UBAP1: variants seen among roughly 807,000 people sequenced by gnomAD.
The protein encoded by UBAP1 is ubiquitin-associated protein 1.
Under a neutral mutation model 39.0 loss-of-function variants are expected in UBAP1, and 5 were observed. That is an observed-to-expected ratio of 0.13 (90% CI 0.07 to 0.27). The LOEUF (loss-of-function observed/expected upper bound fraction) is 0.27, where lower values mean the gene tolerates loss of function less well. UBAP1 is among the 10% of genes least tolerant of loss of function. The probability of loss-of-function intolerance (pLI) is 1.00; values close to 1 mark genes in which losing one functional copy is unlikely to be tolerated. For synonymous variants in UBAP1, 211 were observed against 225.1 expected (o/e 0.94, Z 0.56); for missense variants, 490 against 608.1 (o/e 0.81, Z 2.04).
chr9:34,180,847 G>C (rs2131475817), intron 1 of UBAP1, among the ~76,000 whole-genome samples: 1 of 148,264 alleles, frequency 6.7e-6, no homozygotes, highest in Middle Eastern at 3.4e-3. Flanking sequence ...GTCTCGGTCT[G>C]TTGCCCAGGC....
chr9:34,202,440 G>A (rs927081769), intron 1 of UBAP1, among the ~76,000 whole-genome samples: 10 of 151,968 alleles, frequency 6.6e-5, no homozygotes, highest in African/African-American at 2.4e-4. Context: ...CCTGTGAGAG[G>A]GGCTTAAGAC....
chr9:34,239,881 A>T (rs1468841279), intron 3 of UBAP1, among the ~76,000 whole-genome samples: 1 of 152,142 alleles, frequency 6.6e-6, no homozygotes, highest in Non-Finnish European at 1.5e-5. Context: ...TATTTCTGCC[A>T]TCCTCAGCCC....
intron 1 of UBAP1, among the ~76,000 whole-genome samples, chr9:34,214,084 G>T (rs895379534): frequency 6.6e-5 from 10 of 152,240 alleles, no homozygotes; most frequent in African/African-American, 2.4e-4. Context: ...TTGTGAAAAT[G>T]ACCATACTGC....
intron 1 of UBAP1, among the ~76,000 whole-genome samples, chr9:34,212,998 C>T (rs1192392169): frequency 2.0e-5 from 3 of 152,228 alleles, no homozygotes; most frequent in Admixed American, 2.0e-4. Context: ...AAAGATAATC[C>T]ACCATGATCA....
At chr9:34,203,871 T>C (rs1831535702) in intron 1 of UBAP1, among the ~76,000 whole-genome samples, 1 of 152,224 alleles carries the variant, frequency 6.6e-6, no homozygotes, top group Non-Finnish European at 1.5e-5. Context: ...GGCTGTATTA[T>C]TTCTGTGGGA....
chr9:34,182,677 T>TCTTTCTCTCTC (rs1563881334), intron 1 of UBAP1, among the ~76,000 whole-genome samples: 2 of 71,928 alleles, frequency 2.8e-5, no homozygotes, highest in South Asian at 1.1e-3. Flanking sequence ...CTTTCTTTCT[T>TCTTTCTCTCTC]TCTTTCTCTC....
intron 2 of UBAP1, among the ~76,000 whole-genome samples, chr9:34,233,988 GC>G (rs1184204929): frequency 3.9e-5 from 6 of 152,128 alleles, no homozygotes; most frequent in Non-Finnish European, 8.8e-5. Flanking sequence ...GAGTACTTTG[GC>G]TTTTACACTA....
chr9:34,246,845 T>G (rs571981148), intron 4 of UBAP1, among the ~76,000 whole-genome samples: 1 of 152,346 alleles, frequency 6.6e-6, no homozygotes, highest in East Asian at 1.9e-4. Flanking sequence ...CAAACGTACT[T>G]TCCCTCAAAC....
At chr9:34,246,276 G>C (rs1179714327) in intron 4 of UBAP1, among the ~76,000 whole-genome samples, 1 of 152,112 alleles carries the variant, frequency 6.6e-6, no homozygotes, top group Non-Finnish European at 1.5e-5. Flanking sequence ...ATGTTGTCCA[G>C]GCTGGTCTCA....
intron 1 of UBAP1, among the ~76,000 whole-genome samples, chr9:34,188,423 C>CTTT (rs34942688): frequency 4.3e-5 from 5 of 117,202 alleles, no homozygotes; most frequent in African/African-American, 9.7e-5. Flanking sequence ...TAGTCTTCAG[C>CTTT]TTTTTTTTTT....
intron 1 of UBAP1, among the ~76,000 whole-genome samples, chr9:34,183,341 A>G (rs952435151): frequency 1.3e-4 from 19 of 151,384 alleles, no homozygotes; most frequent in Admixed American, 4.6e-4. Flanking sequence ...CAGGAGATTG[A>G]GACCATCCTG....
At chr9:34,205,179 G>T (rs936367202) in intron 1 of UBAP1, among the ~76,000 whole-genome samples, 1 of 151,952 alleles carries the variant, frequency 6.6e-6, no homozygotes, top group East Asian at 1.9e-4. Context: ...ACCACACCTG[G>T]CCAGTTTTTG....
chr9:34,204,145 G>A (rs1831549543), intron 1 of UBAP1, among the ~76,000 whole-genome samples: 1 of 152,152 alleles, frequency 6.6e-6, no homozygotes, highest in South Asian at 2.1e-4. Flanking sequence ...TAGGCAACGT[G>A]GTGAAATCCT....
chr9:34,185,690 A>G (rs918907029), intron 1 of UBAP1, among the ~76,000 whole-genome samples: 3 of 152,136 alleles, frequency 2.0e-5, no homozygotes, highest in African/African-American at 7.2e-5. Context: ...TACTAAAAAG[A>G]CAAAAATTAG....
At chr9:34,242,611 A>G (rs1013534197) in intron 4 of UBAP1, among the ~76,000 whole-genome samples, 3 of 152,022 alleles carry the variant, frequency 2.0e-5, no homozygotes, top group Non-Finnish European at 2.9e-5. Flanking sequence ...CTCACTGCCA[A>G]CCTCCACCTC....
intron 3 of UBAP1, among the ~76,000 whole-genome samples, chr9:34,236,113 A>G (rs1287177011): frequency 2.0e-5 from 3 of 150,672 alleles, no homozygotes; most frequent in African/African-American, 7.3e-5. Flanking sequence ...GCCCACCTCG[A>G]CCTCCCAAAA....
intron 6 of UBAP1, 140 bp downstream of exon 6, chr9:34,250,899 C>G (rs761765495): frequency 2.7e-6 from 2 of 743,160 alleles, no homozygotes; most frequent in Admixed American, 4.1e-5. Context: ...GCAGAATCTC[C>G]CAAGTATTCA....
At chr9:34,184,332 TTAGA>T (rs920590493) in intron 1 of UBAP1, among the ~76,000 whole-genome samples, 2 of 151,760 alleles carry the variant, frequency 1.3e-5, no homozygotes, top group African/African-American at 4.8e-5. Flanking sequence ...CCTTTTTTTT[TTAGA>T]TAGTCTCGCT....
intron 3 of UBAP1, among the ~76,000 whole-genome samples, chr9:34,239,849 A>G (rs1297291067): frequency 2.0e-5 from 3 of 151,978 alleles, no homozygotes; most frequent in Non-Finnish European, 4.4e-5. Flanking sequence ...ATACTCCAAA[A>G]CCACATTCTT....
Sources: allele counts gnomAD v4.1 joint callset (sites outside exome capture counted in the v4.1 genomes callset), GRCh38; gene constraint gnomAD v4.1.1; transcripts MANE v1.5; gene names NCBI Gene and HGNC (gene_info 2026-07-23, HGNC 2026-07-21).